KCNQ3: variants seen among roughly 807,000 people sequenced by gnomAD.
KCNQ3 encodes the protein potassium voltage-gated channel subfamily KQT member 3.
A neutral mutation model predicts 92.5 loss-of-function variants in KCNQ3; 30 were observed. The observed-to-expected ratio is 0.32, with a 90% CI of 0.24 to 0.44. The LOEUF (loss-of-function observed/expected upper bound fraction) is 0.44. Among genes scored for constraint, KCNQ3 ranks in the 20% least tolerant of loss-of-function variants. The pLI, the probability that KCNQ3 is intolerant of heterozygous loss-of-function variation, is 1.00. For synonymous variants in KCNQ3, 450 were observed against 468.8 expected (o/e 0.96, Z 0.52); for missense variants, 913 against 1,140.3 (o/e 0.80, Z 2.87).
intron 1 of KCNQ3, among the ~76,000 whole-genome samples, chr8:132,247,605 G>A (rs1203239768): frequency 6.6e-6 from 1 of 151,918 alleles, no homozygotes; most frequent in Non-Finnish European, 1.5e-5. Flanking sequence ...TGGCCAGCTG[G>A]CCAAGATGGT....
chr8:132,280,363 G>A (rs1410148692), intron 1 of KCNQ3, among the ~76,000 whole-genome samples: 1 of 152,170 alleles, frequency 6.6e-6, no homozygotes, highest in East Asian at 1.9e-4. Flanking sequence ...AGCTTCTGGG[G>A]AGGCCTTAGG....
intron 1 of KCNQ3, among the ~76,000 whole-genome samples, chr8:132,336,537 A>C (rs1199423466): frequency 1.3e-5 from 2 of 152,206 alleles, no homozygotes; most frequent in Non-Finnish European, 2.9e-5. Flanking sequence ...CGGTGTTATA[A>C]GGCCCATAAG....
intron 1 of KCNQ3, among the ~76,000 whole-genome samples, chr8:132,274,371 C>T (rs902748974): frequency 1.3e-5 from 2 of 152,142 alleles, no homozygotes; most frequent in Non-Finnish European, 2.9e-5. Context: ...AAAGACCTGT[C>T]CCCATGATAA....
At chr8:132,216,353 G>A (rs1267048851) in intron 1 of KCNQ3, among the ~76,000 whole-genome samples, 2 of 152,220 alleles carry the variant, frequency 1.3e-5, no homozygotes, top group African/African-American at 4.8e-5. Context: ...TGTGCACCAG[G>A]GCTGGATGCC....
At chr8:132,364,468 T>G (rs1563879958) in intron 1 of KCNQ3, among the ~76,000 whole-genome samples, 2 of 152,194 alleles carry the variant, frequency 1.3e-5, no homozygotes, top group Non-Finnish European at 2.9e-5. Flanking sequence ...GGGAGGTCAC[T>G]TCTGTTTATC....
chr8:132,173,644 G>A (rs1826455159), intron 6 of KCNQ3, among the ~76,000 whole-genome samples: 1 of 152,132 alleles, frequency 6.6e-6, no homozygotes, highest in African/African-American at 2.4e-5. Flanking sequence ...GATGATGTGG[G>A]TAAAGCATTT....
intron 1 of KCNQ3, among the ~76,000 whole-genome samples, chr8:132,413,731 C>T (rs1476844563): frequency 1.3e-5 from 2 of 152,194 alleles, no homozygotes; most frequent in Non-Finnish European, 2.9e-5. Flanking sequence ...CAGAGCAAAG[C>T]TTTTGTCACA....
rs981137038 is a variant in KCNQ3 at position 132,416,985 on chromosome 8, G to T, written c.386+63162C>A. Reference sequence around the variant, plus strand: ...GTCTGAGGGAGCCTGAAGGGTGGAGGAGCTAACAGTTCTCTAGGGAGAAAC... The same window carrying T: ...GTCTGAGGGAGCCTGAAGGGTGGAGTAGCTAACAGTTCTCTAGGGAGAAAC... On this transcript the variant is annotated intron_variant, in intron 1 of 14. Transcript: ENST00000388996. Among the ~76,000 whole-genome samples, 8 of 152,174 alleles carry T rather than the reference G, an allele frequency of 5.3e-5. No homozygotes were observed. In the East Asian group the frequency reaches 1.2e-3, roughly 22 times the overall value.
chr8:132,168,719 G>A (rs1430844329), intron 8 of KCNQ3, among the ~76,000 whole-genome samples: 1 of 994 alleles, frequency 1.0e-3, no homozygotes, highest in African/African-American at 1.6e-3. Context: ...TAATGAATAT[G>A]TGTGTGTGTG....
At chr8:132,196,618 T>G (rs1023055318) in intron 1 of KCNQ3, among the ~76,000 whole-genome samples, 1 of 152,228 alleles carries the variant, frequency 6.6e-6, no homozygotes, top group African/African-American at 2.4e-5. Flanking sequence ...TTTCCAGTTC[T>G]GCCATTTACT....
chr8:132,193,367 A>T (rs190310488), intron 1 of KCNQ3, among the ~76,000 whole-genome samples: 1 of 152,226 alleles, frequency 6.6e-6, no homozygotes, highest in Non-Finnish European at 1.5e-5. Context: ...CCTGCTTTGT[A>T]GCTGCACGTG....
intron 1 of KCNQ3, among the ~76,000 whole-genome samples, chr8:132,346,435 A>C (rs1444593599): frequency 1.3e-5 from 2 of 152,180 alleles, no homozygotes; most frequent in East Asian, 3.9e-4. Flanking sequence ...GCATTTCCAA[A>C]GGTCGGGATG....
intron 1 of KCNQ3, among the ~76,000 whole-genome samples, chr8:132,211,952 CAAAA>C (rs200457183): frequency 3.2e-5 from 2 of 62,680 alleles, no homozygotes; most frequent in Non-Finnish European, 4.1e-5. Flanking sequence ...GACTCCATCT[CAAAA>C]AAAAAAAAAA....
intron 1 of KCNQ3, among the ~76,000 whole-genome samples, chr8:132,384,907 C>T (rs945514822): frequency 6.6e-6 from 1 of 152,206 alleles, no homozygotes; most frequent in East Asian, 1.9e-4. Context: ...AATCCACATG[C>T]AATGCTTTTC....
intron 1 of KCNQ3, among the ~76,000 whole-genome samples, chr8:132,310,299 G>C (rs975452411): frequency 6.6e-6 from 1 of 151,844 alleles, no homozygotes. Flanking sequence ...GTGCAACCTC[G>C]GGTCCATCTC....
At chr8:132,162,999 A>G (rs1189243735) in intron 9 of KCNQ3, among the ~76,000 whole-genome samples, 1 of 152,234 alleles carries the variant, frequency 6.6e-6, no homozygotes, top group Non-Finnish European at 1.5e-5. Flanking sequence ...CATGATGATC[A>G]TGAATTACAG....
intron 1 of KCNQ3, among the ~76,000 whole-genome samples, chr8:132,333,310 G>C (rs1818281224): frequency 6.6e-6 from 1 of 152,160 alleles, no homozygotes; most frequent in African/African-American, 2.4e-5. Flanking sequence ...CAAGCGAAGA[G>C]AAAACAAGAG....
intron 1 of KCNQ3, among the ~76,000 whole-genome samples, chr8:132,454,175 T>C (rs1372444558): frequency 6.6e-6 from 1 of 152,150 alleles, no homozygotes; most frequent in African/African-American, 2.4e-5. Flanking sequence ...GTAGCTCCAC[T>C]GGAGCTCAGG....
intron 1 of KCNQ3, among the ~76,000 whole-genome samples, chr8:132,468,303 T>C (rs1822227300): frequency 6.6e-6 from 1 of 152,168 alleles, no homozygotes; most frequent in African/African-American, 2.4e-5. Context: ...CGATTTTCCA[T>C]TAGGACACAT....
Sources: gnomAD v4.1 joint callset for allele counts (sites outside exome capture counted in the v4.1 genomes callset) on GRCh38, gnomAD v4.1.1 for gene constraint, MANE v1.5 for transcripts, NCBI Gene and HGNC (gene_info 2026-07-23, HGNC 2026-07-21) for gene names.